OR7C1: variants seen among roughly 807,000 people sequenced by gnomAD.
OR7C1 encodes olfactory receptor 7C1.
For synonymous variants in OR7C1, 152 were observed against 160.7 expected (o/e 0.95, Z 0.41); for missense variants, 324 against 383.3 (o/e 0.85, Z 1.29).
intron 1 of OR7C1, among the ~76,000 whole-genome samples, chr19:14,820,340 T>C (rs1294681809): frequency 6.6e-6 from 1 of 151,354 alleles, no homozygotes; most frequent in Non-Finnish European, 1.5e-5. Context: ...AAAAAATGTG[T>C]TTCTCAATGA....
chr19:14,807,320 G>T (rs1040988272), intron 2 of OR7C1, among the ~76,000 whole-genome samples: 1 of 151,558 alleles, frequency 6.6e-6, no homozygotes, highest in African/African-American at 2.4e-5. Context: ...TTCTTTTTTT[G>T]TTATTAATAG....
chr19:14,828,537 G>T (rs1228042110), intron 1 of OR7C1, among the ~76,000 whole-genome samples: 1 of 151,938 alleles, frequency 6.6e-6, no homozygotes, highest in African/African-American at 2.4e-5. Flanking sequence ...AAAGCAGGCG[G>T]ATCACGAGGT....
At chr19:14,803,474 G>A (rs2044651990) in intron 2 of OR7C1, among the ~76,000 whole-genome samples, 1 of 152,024 alleles carries the variant, frequency 6.6e-6, no homozygotes, top group African/African-American at 2.4e-5. Flanking sequence ...GCAAGGAAAA[G>A]GGAAGATGGA....
intron 1 of OR7C1, among the ~76,000 whole-genome samples, chr19:14,816,095 G>T (rs2044715152): frequency 6.6e-6 from 1 of 152,090 alleles, no homozygotes; most frequent in Non-Finnish European, 1.5e-5. Context: ...AAAATGTTGG[G>T]ATTACAGACA....
In OR7C1 at chr19:14,832,921, C is replaced by CA. The variant is rs1278964324; in HGVS notation, c.-623+2152dup. On this transcript the variant is annotated intron_variant, in intron 1 of 4. Transcript: ENST00000641666. ...ATATCAACATAAATTAATAAATTGG[C>CA]AAAAATCTAGATATAAAAGAATATG... is the stretch of plus-strand genomic sequence containing the variant. 1.3e-4 allele frequency among the ~76,000 whole-genome samples: 20 copies of CA among 151,698 alleles called. No homozygotes were observed. The South Asian group carries it at 2.3e-3, about 17-fold the overall frequency.
At chr19:14,810,169 G>A (rs2044684141) in intron 1 of OR7C1, among the ~76,000 whole-genome samples, 176 bp from the exon 2 acceptor site, 1 of 151,814 alleles carries the variant, frequency 6.6e-6, no homozygotes, top group African/African-American at 2.4e-5. Flanking sequence ...TCACCTTTGG[G>A]ACTAGACACA....
At chr19:14,821,152 C>T (rs752953108) in intron 1 of OR7C1, among the ~76,000 whole-genome samples, 2 of 152,200 alleles carry the variant, frequency 1.3e-5, no homozygotes, top group African/African-American at 2.4e-5. Flanking sequence ...GCAGGAGAAT[C>T]GTTTGAACCT....
At chr19:14,834,874 C>G (rs2145090310) in intron 1 of OR7C1, among the ~76,000 whole-genome samples, 200 bp downstream of exon 1, 1 of 152,320 alleles carries the variant, frequency 6.6e-6, no homozygotes, top group South Asian at 2.1e-4. Context: ...CTTGCATTGC[C>G]TAGTTCAGTG....
intron 1 of OR7C1, chr19:14,828,293 G>T (rs118148336): frequency 6.5e-7 from 1 of 1,537,748 alleles, no homozygotes; most frequent in Non-Finnish European, 8.8e-7. Context: ...AACGAGACAG[G>T]CATGCATTGC....
At chr19:14,825,923 G>A (rs1380073409) in intron 1 of OR7C1, 1 of 152,142 alleles carries the variant, frequency 6.6e-6, no homozygotes, top group Non-Finnish European at 1.5e-5. Context: ...ATAGGACTGA[G>A]GACATTCAGA....
intron 2 of OR7C1, among the ~76,000 whole-genome samples, chr19:14,806,483 C>T (rs1387318129): frequency 6.6e-6 from 1 of 151,926 alleles, no homozygotes; most frequent in Admixed American, 6.6e-5. Flanking sequence ...CAACCCATCA[C>T]CTAGGTATTC....
At chr19:14,814,969 C>T (rs1468699175) in intron 1 of OR7C1, among the ~76,000 whole-genome samples, 1 of 152,154 alleles carries the variant, frequency 6.6e-6, no homozygotes, top group East Asian at 1.9e-4. Context: ...ACGCCATGCC[C>T]GGCAAGCATT....
At chr19:14,826,475 C>A (rs754823044) in intron 1 of OR7C1, 11 of 152,104 alleles carry the variant, frequency 7.2e-5, no homozygotes, top group Admixed American at 2.0e-4. Flanking sequence ...ACATTATAGA[C>A]CATGGCACCA....
At chr19:14,802,540 G>A (rs1164008411) in intron 2 of OR7C1, among the ~76,000 whole-genome samples, 1 of 152,148 alleles carries the variant, frequency 6.6e-6, no homozygotes, top group Non-Finnish European at 1.5e-5. Flanking sequence ...ATTAAAGAAA[G>A]ATAATAATTC....
At chr19:14,815,139 C>T (rs1186422072) in intron 1 of OR7C1, among the ~76,000 whole-genome samples, 1 of 152,214 alleles carries the variant, frequency 6.6e-6, no homozygotes, top group Non-Finnish European at 1.5e-5. Flanking sequence ...CCTATTCCAG[C>T]AGCCATAACT....
chr19:14,817,853 A>G (rs1478941818), intron 1 of OR7C1, among the ~76,000 whole-genome samples: 1 of 152,202 alleles, frequency 6.6e-6, no homozygotes, highest in African/African-American at 2.4e-5. Flanking sequence ...TGGTAACATC[A>G]GTTCATAGTC....
At chr19:14,834,990 C>T (rs140865271) in intron 1 of OR7C1, 84 bp downstream of exon 1, 18 of 152,352 alleles carry the variant, frequency 1.2e-4, no homozygotes, top group African/African-American at 4.3e-4. Flanking sequence ...GCTGGACTGG[C>T]TCTCAGGTGA....
In OR7C1 at chr19:14,827,500, C is replaced by G. The variant is rs767296017; in HGVS notation, c.-623+7574G>C. On this transcript the variant is annotated intron_variant, in intron 1 of 4. Transcript: ENST00000641666. ...AGGATTGCACCATAAAATAAGGAGA[C>G]AACTGAGAGGTGAGATGCACAGGTG... 6.2e-6 allele frequency: 10 copies of G among 1,613,950 alleles called. No individual in the cohort carries two copies. The highest frequency in any genetic ancestry group is 7.6e-6 in the Non-Finnish European group (9 of 1,180,014).
intron 1 of OR7C1, among the ~76,000 whole-genome samples, chr19:14,833,193 T>C (rs1413928623): frequency 1.3e-5 from 2 of 152,086 alleles, no homozygotes; most frequent in African/African-American, 2.4e-5. Flanking sequence ...AAAACTTCAA[T>C]ATCGGCCAGG....
Sources: allele counts gnomAD v4.1 joint callset (sites outside exome capture counted in the v4.1 genomes callset), GRCh38; gene constraint gnomAD v4.1.1; transcripts MANE v1.5; gene names NCBI Gene and HGNC (gene_info 2026-07-23, HGNC 2026-07-21).